The following SLC6A6 variants were observed in gnomAD, a reference collection of about 807,000 sequenced individuals.
SLC6A6 encodes solute carrier family 6 member 6, also known as sodium- and chloride-dependent taurine transporter.
Under a neutral mutation model 68.8 loss-of-function variants are expected in SLC6A6, and 16 were observed. That is an observed-to-expected ratio of 0.23 (90% CI 0.16 to 0.35). The LOEUF is 0.35. SLC6A6 is among the 10% of genes least tolerant of loss of function. SLC6A6 has a pLI of 1.00. For synonymous variants in SLC6A6, 312 were observed against 315.4 expected, an observed-to-expected ratio of 0.99 and a Z score of 0.12; for missense variants, 474 against 802.8, an observed-to-expected ratio of 0.59 and a Z score of 4.95.
At position 14,468,490 on chromosome 3, in the gene SLC6A6, C is replaced by G. The variant is rs558961853; in HGVS notation, c.1096+278C>G. Among the ~76,000 whole-genome samples the G allele has an allele frequency of 5.9e-5, 9 of 152,136 alleles. No individual in the cohort carries two copies. Among genetic ancestry groups the G allele is most frequent in the Middle Eastern group, 3.4e-3 (1 of 294 alleles). ...GCTACCTTAGTGTGGTCTTCCCCGC[C>G]CCCCCGTCCTTCCCCAGCAAACTCC... On this transcript the variant is annotated intron_variant, in intron 9 of 14. Transcript: ENST00000622186. The surrounding 1 kb of genome is among the most constrained non-coding windows in gnomAD (Gnocchi z 4.5).
intron 2 of SLC6A6, among the ~76,000 whole-genome samples, chr3:14,426,572 T>C (rs1230973751): frequency 6.6e-6 from 1 of 152,200 alleles, no homozygotes; most frequent in African/African-American, 2.4e-5. Context: ...CTGTAATCAG[T>C]GAAAAATGAT....
chr3:14,461,423 G>T (rs528835569), intron 6 of SLC6A6, among the ~76,000 whole-genome samples: 9 of 152,130 alleles, frequency 5.9e-5, no homozygotes, highest in African/African-American at 4.8e-5. Context: ...GCCCACCCCC[G>T]TGCCAGCCTG....
At chr3:14,451,530 A>G (rs1256721690) in intron 5 of SLC6A6, among the ~76,000 whole-genome samples, 1 of 152,186 alleles carries the variant, frequency 6.6e-6, no homozygotes, top group African/African-American at 2.4e-5. Flanking sequence ...CAAAGCCTTG[A>G]ATGTTAGGCG....
At chr3:14,461,255 G>A (rs191947578) in intron 6 of SLC6A6, among the ~76,000 whole-genome samples, 32 of 152,342 alleles carry the variant, frequency 2.1e-4, no homozygotes, top group Admixed American at 1.8e-3. Flanking sequence ...TTTGGAGTAT[G>A]TGCAGTTATT....
At chr3:14,406,444 C>T (rs566890300) in intron 1 of SLC6A6, among the ~76,000 whole-genome samples, 10 of 152,296 alleles carry the variant, frequency 6.6e-5, no homozygotes, top group African/African-American at 1.9e-4. Flanking sequence ...GAGTAAGGAA[C>T]GGAACTGGGG....
chr3:14,454,766 C>G (rs532927391), intron 5 of SLC6A6, among the ~76,000 whole-genome samples: 1 of 152,272 alleles, frequency 6.6e-6, no homozygotes, highest in African/African-American at 2.4e-5. Flanking sequence ...CATCCCCCTC[C>G]CCCACACAGG....
chr3:14,405,440 T>G (rs1398769453), intron 1 of SLC6A6, among the ~76,000 whole-genome samples: 1 of 152,254 alleles, frequency 6.6e-6, no homozygotes, highest in Non-Finnish European at 1.5e-5. Context: ...TGTGAGTCAT[T>G]GAACACATTC....
chr3:14,445,788 A>T lies in SLC6A6; in HGVS notation c.301A>T (p.Ile101Leu). ...GLPVFFLEII[I>L]GQYTSEGGIT... The stretch of plus-strand genomic sequence containing the variant: ...GCCTGTGTTTTTCTTGGAGATCATC[A>T]TAGGCCAGTACACCTCTGAAGGGGG... The change falls in exon 4 of 15, where the codon ATA (isoleucine) becomes TTA (leucine). Residue 101 changes from isoleucine (I) to leucine (L), a missense_variant. Coordinates refer to ENST00000622186, the MANE Select transcript of SLC6A6 (RefSeq NM_003043.6). The T allele has an allele frequency of 3.7e-6, 6 of 1,614,174 alleles. No homozygotes were observed. The highest frequency in any genetic ancestry group is 5.1e-6 in the Non-Finnish European group (6 of 1,179,978).
At chr3:14,444,563 G>A (rs1242336409) in intron 3 of SLC6A6, among the ~76,000 whole-genome samples, 1 of 152,144 alleles carries the variant, frequency 6.6e-6, no homozygotes, top group Non-Finnish European at 1.5e-5. Flanking sequence ...TTTCTTGCTG[G>A]TGCCATGATG....
chr3:14,466,158 A>C (rs901337067), intron 6 of SLC6A6, among the ~76,000 whole-genome samples: 2 of 151,188 alleles, frequency 1.3e-5, no homozygotes, highest in African/African-American at 4.9e-5. Flanking sequence ...GCTACTCGAG[A>C]GGCTGAGCCA....
At chr3:14,467,502 G>A (rs999693206) in intron 7 of SLC6A6, among the ~76,000 whole-genome samples, 1 of 152,190 alleles carries the variant, frequency 6.6e-6, no homozygotes, top group African/African-American at 2.4e-5. Context: ...TAGCTCTATG[G>A]GGTAGGGCAA....
chr3:14,445,001 G>A (rs1700080748), intron 3 of SLC6A6: 1 of 378,388 alleles, frequency 2.6e-6, no homozygotes, highest in Non-Finnish European at 5.3e-6. Flanking sequence ...CCCTGGGCAG[G>A]CCTGGGGAGG....
In SLC6A6 at chr3:14,469,237, C is replaced by T. The variant is rs186776186; in HGVS notation, c.1096+1025C>T. On this transcript the variant is annotated intron_variant, in intron 9 of 14. Coordinates refer to ENST00000622186, the MANE Select transcript of SLC6A6 (RefSeq NM_003043.6). ...GCCCCCAGCCCCACCCCGTCCATGT[C>T]CTAATTTCATACAACTTCCCTGGGG... Among the ~76,000 whole-genome samples, 5 of 152,104 alleles carry T rather than the reference C, an allele frequency of 3.3e-5. No individual in the cohort carries two copies. The East Asian group carries it at 9.7e-4, about 30-fold the overall frequency.
At chr3:14,417,453 C>T (rs1176407803) in intron 2 of SLC6A6, among the ~76,000 whole-genome samples, 5 of 150,632 alleles carry the variant, frequency 3.3e-5, no homozygotes, top group Admixed American at 2.6e-4. Flanking sequence ...AAGGCCAGGC[C>T]GGGCGCCGTG....
intron 2 of SLC6A6, 39 bp from the exon 3 acceptor site, chr3:14,443,585 C>A: frequency 7.3e-7 from 1 of 1,364,912 alleles, no homozygotes; most frequent in South Asian, 1.3e-5. Context: ...CAGGTGGTCC[C>A]TCATCAGCTG....
chr3:14,459,458 C>A (rs1273520204), intron 6 of SLC6A6, among the ~76,000 whole-genome samples: 1 of 152,032 alleles, frequency 6.6e-6, no homozygotes, highest in Non-Finnish European at 1.5e-5. Flanking sequence ...TCCTGTGCAC[C>A]CCCCTCCAAC....
intron 13 of SLC6A6, 125 bp downstream of exon 13, chr3:14,479,310 C>A: frequency 1.5e-6 from 1 of 673,302 alleles, no homozygotes; most frequent in South Asian, 1.7e-5. Context: ...CCAGCTTCAG[C>A]GCTGCCTGGG....
intron 10 of SLC6A6, among the ~76,000 whole-genome samples, chr3:14,474,315 G>A (rs1700822628): frequency 6.6e-6 from 1 of 152,218 alleles, no homozygotes; most frequent in South Asian, 2.1e-4. Context: ...TCTGCCGTAA[G>A]AGGTGTTCCC....
At chr3:14,454,271 CA>C (rs879679740) in intron 5 of SLC6A6, among the ~76,000 whole-genome samples, 3 of 124,564 alleles carry the variant, frequency 2.4e-5, no homozygotes, top group Non-Finnish European at 5.2e-5. Flanking sequence ...GGGGCCTGGA[CA>C]GGGGCAGAGA....
Sources: allele counts gnomAD v4.1 joint callset (sites outside exome capture counted in the v4.1 genomes callset), GRCh38; gene constraint gnomAD v4.1.1; non-coding constraint Gnocchi (gnomAD v3.1); transcripts MANE v1.5; gene names NCBI Gene and HGNC (gene_info 2026-07-23, HGNC 2026-07-21).